Variants in ZNF224 observed in about 807,000 individuals in gnomAD.
ZNF224 encodes zinc finger protein 224, also known as bone marrow zinc finger 2.
Under a neutral mutation model 10.5 loss-of-function variants are expected in ZNF224, and 8 were observed. The observed-to-expected ratio is 0.76, with a 90% confidence interval of 0.45 to 1.37. The LOEUF is 1.37. Among genes scored for constraint, ZNF224 ranks in the 40% most tolerant of loss-of-function variants. ZNF224 has a pLI of 0.00. For missense variants in ZNF224, 754 were observed against 854.0 expected (o/e 0.88, Z 1.46); for synonymous variants, 282 against 287.8 (o/e 0.98, Z 0.20).
chr19:44,107,442 T>C lies in ZNF224; in HGVS notation c.1282T>C (p.Tyr428His), dbSNP rs776596808. The C allele has an allele frequency of 2.5e-6, 4 of 1,608,496 alleles. 1 individual carries two copies. The South Asian group carries it at 3.3e-5, about 13-fold the overall frequency. ...HQRSHSGEKPYKCVECGKGYK... is the reference protein window; with the variant it reads ...HQRSHSGEKPHKCVECGKGYK... The stretch of plus-strand genomic sequence containing the variant: ...GAGATCCCATAGTGGAGAAAAACCA[T>C]ACAAATGTGTGGAGTGTGGGAAGGG... Residue 428 changes from tyrosine to histidine, a missense_variant, in exon 6 of 6, where the codon TAC becomes CAC. Physicochemically the swap from Tyr to His is moderately conservative, Grantham distance 83 (BLOSUM62 2). Coordinates refer to ENST00000693561, the MANE Select transcript of ZNF224 (RefSeq NM_001321645.3).
rs778615351 is a variant in ZNF224, at chr19:44,100,858, C to T, written c.73C>T (p.Leu25=). 2 of 1,614,116 alleles carry T rather than the reference C, an allele frequency of 1.2e-6. No homozygotes were observed. The highest frequency in any genetic ancestry group is 1.1e-5 in the South Asian group (1 of 91,074). ...CTTCACTGAGGAAGAGCTGGGGCTG[C>T]TGGACCTTGCTCAGAGGAAGCTGTA... ...VVFTEEELGL[L]DLAQRKLYRD... Residue 25 remains leucine, a synonymous_variant, in exon 4 of 6, where the codon CTG becomes TTG. Coordinates refer to ENST00000693561, the MANE Select transcript of ZNF224 (RefSeq NM_001321645.3).
chr19:44,094,567 C>G (rs1051087251), intron 1 of ZNF224, 37 bp downstream of exon 1: 1 of 152,650 alleles, frequency 6.6e-6, no homozygotes, highest in Non-Finnish European at 1.5e-5. Context: ...GCGTTCTCGT[C>G]CGTGGCACCT....
rs1296556146 is a variant in ZNF224, at chr19:44,106,394, A to T, written c.236-2A>T. 1.2e-6 allele frequency: 2 copies of T among 1,613,978 alleles called. No homozygotes were observed. Among genetic ancestry groups the T allele is most frequent in the African/African-American group, 1.3e-5 (1 of 74,934 alleles). ...TCATCTTTTAATTCTGTATTCTGATAGGAGACAAGATCCAAACTGAGATGG... is the reference window on the plus strand; with the variant it reads ...TCATCTTTTAATTCTGTATTCTGATTGGAGACAAGATCCAAACTGAGATGG... On this transcript the variant is annotated splice_acceptor_variant, in intron 5 of 5. Transcript: ENST00000693561. LOFTEE classifies it high-confidence loss of function.
rs1213630076 is a variant in ZNF224, at chr19:44,109,290, T to A, written c.*1006T>A. ...TGTGATTTCTATGCAGGCCTTGGTA[T>A]GATTGCCTTTTAATTGCTGTACAAT... On this transcript the variant is annotated 3_prime_UTR_variant, in exon 6 of 6. Coordinates refer to ENST00000693561, the MANE Select transcript of ZNF224 (RefSeq NM_001321645.3). 6.6e-6 allele frequency: 1 copy of A among 152,108 alleles called. No homozygotes were observed. Among genetic ancestry groups the A allele is most frequent in the Non-Finnish European group, 1.5e-5 (1 of 68,014 alleles). The allele number at this position is 152,108 out of a possible 1,614,324, so 9.4% of individuals were successfully genotyped here.
In ZNF224 at chr19:44,105,061, C is replaced by T. The variant is rs1967626857; in HGVS notation, c.236-1335C>T. Among the ~76,000 whole-genome samples, 4 of 152,198 alleles carry T rather than the reference C, an allele frequency of 2.6e-5. No homozygotes were observed. In the South Asian group the frequency reaches 8.3e-4, roughly 31 times the overall value. On this transcript the variant is annotated intron_variant, in intron 5 of 5. Transcript: ENST00000693561. The stretch of plus-strand genomic sequence containing the variant: ...AGTCAGTCTCCTGGGCCACTGATTC[C>T]ATGTAACCTAAAGCCTCACCTTAAA...
At chr19:44,101,253 G>C in intron 5 of ZNF224, 28 bp downstream of exon 5, 2 of 1,601,578 alleles carry the variant, frequency 1.2e-6, no homozygotes, top group Non-Finnish European at 1.7e-6. Flanking sequence ...GTGAATCCCT[G>C]TATGTCTCTT....
rs765000415 is a variant in ZNF224, at chr19:44,108,100, G to GT, written c.1941dup (p.Val648CysfsTer8). ...TCTAAAGTGCAAGAAAAAGTTCACA[G>GT]TGTAGAAAAGCCATACAAATGTGAG... On this transcript the variant is annotated frameshift_variant, in exon 6 of 6. Transcript: ENST00000693561. LOFTEE classifies it low-confidence loss of function (END_TRUNC). 6 of 1,612,156 alleles carry GT rather than the reference G, an allele frequency of 3.7e-6. No homozygotes were observed. The South Asian group carries it at 6.6e-5, about 18-fold the overall frequency.
rs756101068 is a variant in ZNF224, at chr19:44,108,212, G to A, written c.2052G>A (p.Glu684=). 6.2e-7 allele frequency: 1 copy of A among 1,613,832 alleles called. No individual in the cohort carries two copies. The highest frequency in any genetic ancestry group is 1.7e-5 in the Admixed American group (1 of 59,984). Residue 684 remains glutamate (E), a synonymous_variant, in exon 6 of 6, where the codon GAG becomes GAA. Coordinates refer to ENST00000693561, the MANE Select transcript of ZNF224 (RefSeq NM_001321645.3). ...HMGEKTWKCR[E]CDMCFSQASS... is the part of the protein sequence containing the mutation. ...GAGAGAAAACATGGAAGTGTAGGGA[G>A]TGTGATATGTGCTTTAGTCAGGCCT...
rs769926097 is a variant in ZNF224, at chr19:44,107,224, G to A, written c.1064G>A (p.Cys355Tyr). The A allele has an allele frequency of 2.6e-5, 41 of 1,601,624 alleles. No individual in the cohort carries two copies. The highest frequency in any genetic ancestry group is 5.4e-5 in the African/African-American group (4 of 74,548). The change falls in exon 6 of 6, where the codon TGT (cysteine) becomes TAT (tyrosine). Residue 355 changes from cysteine (C) to tyrosine (Y), a missense_variant. Coordinates refer to ENST00000693561, the MANE Select transcript of ZNF224 (RefSeq NM_001321645.3). The stretch of plus-strand genomic sequence containing the variant: ...GAGGAGTGTGGAAAAGGCTTTATTT[G>A]TAGGCGAGATCTTTATACGCATCAT... Reference protein sequence around the residue: ...KCEECGKGFICRRDLYTHHMV... With the variant: ...KCEECGKGFIYRRDLYTHHMV...
chr19:44,095,575 T>G (rs1967420556), intron 1 of ZNF224: 1 of 152,224 alleles, frequency 6.6e-6, no homozygotes, highest in African/African-American at 2.4e-5. Flanking sequence ...TTACAAATAT[T>G]TTGTATTCTT....
At position 44,108,715 on chromosome 19, in the gene ZNF224, C is replaced by G. The variant is rs1967760129; in HGVS notation, c.*431C>G. 4 of 518,178 alleles carry G rather than the reference C, an allele frequency of 7.7e-6. No homozygotes were observed. The highest frequency in any genetic ancestry group is 1.5e-5 in the Non-Finnish European group (4 of 260,194). The allele number at this position is 518,178 out of a possible 1,614,324, so 32.1% of individuals were successfully genotyped here. On this transcript the variant is annotated 3_prime_UTR_variant, in exon 6 of 6. Coordinates refer to ENST00000693561, the MANE Select transcript of ZNF224 (RefSeq NM_001321645.3). ...ATGTGTCTTTGCTGCTAAGTCGTCA[C>G]AGCCTTAACATTGATTAGCACTTTG...
Position 44,108,881 on chromosome 19 carries a change from G to C in ZNF224, c.*597G>C, listed in dbSNP as rs1967766037. ...TGAGTTGAAATGCAGAGTAAACTCA[G>C]TACTGCAATCCATAGCAATATTTTG... On this transcript the variant is annotated 3_prime_UTR_variant, in exon 6 of 6. Transcript: ENST00000693561. The C allele has an allele frequency of 1.0e-5, 3 of 290,788 alleles. No homozygotes were observed. The highest frequency in any genetic ancestry group is 8.8e-5 in the South Asian group (3 of 34,212). 18.0% of individuals were successfully genotyped at this position (290,788 alleles called of 1,614,324 possible). A position where few individuals can be genotyped will look rare whatever the true frequency, so the allele number is the denominator to read the frequency against.
rs557108538 is a variant in ZNF224, at chr19:44,105,116, C to T, written c.236-1280C>T. Among the ~76,000 whole-genome samples, 17 of 152,270 alleles carry T rather than the reference C, an allele frequency of 1.1e-4. No individual in the cohort carries two copies. The South Asian group carries it at 3.5e-3, about 32-fold the overall frequency. On this transcript the variant is annotated intron_variant, in intron 5 of 5. Transcript: ENST00000693561. ...GTTGCTCTTTGTGACATAGGGGGCA[C>T]CGACCCCCAAAGGCGTGGCCAGCTA... is the stretch of plus-strand genomic sequence containing the variant.
intron 5 of ZNF224, among the ~76,000 whole-genome samples, chr19:44,102,375 GGAA>G (rs1967566796): frequency 6.6e-6 from 1 of 152,152 alleles, no homozygotes; most frequent in Non-Finnish European, 1.5e-5. Flanking sequence ...TAATGTCTAA[GGAA>G]TTTTAACTCT....
Position 44,107,559 on chromosome 19 carries a change from C to A in ZNF224, c.1399C>A (p.Arg467=). The change falls in exon 6 of 6, where the codon CGG becomes AGG. Residue 467 remains arginine, a synonymous_variant. Transcript: ENST00000693561. The part of the protein sequence containing the change: ...NCKECGKSFS[R]APCLLKHERL... Reference sequence around the variant, plus strand: ...TAAGGAATGTGGGAAGAGCTTTAGTCGGGCCCCATGTCTTTTGAAACATGA... The same window carrying A: ...TAAGGAATGTGGGAAGAGCTTTAGTAGGGCCCCATGTCTTTTGAAACATGA... 6.2e-7 allele frequency: 1 copy of A among 1,610,440 alleles called. No individual in the cohort carries two copies. The highest frequency in any genetic ancestry group is 8.5e-7 in the Non-Finnish European group (1 of 1,179,088).
intron 5 of ZNF224, among the ~76,000 whole-genome samples, chr19:44,104,347 G>T (rs1326569533): frequency 2.0e-5 from 3 of 152,188 alleles, no homozygotes; most frequent in Non-Finnish European, 4.4e-5. Flanking sequence ...ACAGTTTAGA[G>T]CAAGAGTTTA....
chr19:44,099,353 C>T (rs1304480038), intron 3 of ZNF224, among the ~76,000 whole-genome samples: 4 of 152,108 alleles, frequency 2.6e-5, no homozygotes, highest in African/African-American at 7.2e-5. Flanking sequence ...GAAAATGTAA[C>T]AGTCTAAGGT....
intron 5 of ZNF224, among the ~76,000 whole-genome samples, chr19:44,103,254 T>C (rs2147528875): frequency 6.6e-6 from 1 of 152,338 alleles, no homozygotes; most frequent in South Asian, 2.1e-4. Context: ...TAAGTAACAG[T>C]GTGTTAAATA....
At chr19:44,104,232 T>C (rs747157012) in intron 5 of ZNF224, among the ~76,000 whole-genome samples, 1 of 141,246 alleles carries the variant, frequency 7.1e-6, no homozygotes, top group Non-Finnish European at 1.6e-5. Context: ...AAAAATAAAA[T>C]TAAAGATACA....
Sources: gnomAD v4.1 joint callset for allele counts (sites outside exome capture counted in the v4.1 genomes callset) on GRCh38, gnomAD v4.1.1 for gene constraint, MANE v1.5 for transcripts, NCBI Gene and HGNC (gene_info 2026-07-23, HGNC 2026-07-21) for gene names.